Variants in PLIN3 observed in about 807,000 individuals in gnomAD.
The protein encoded by PLIN3 is perilipin 3.
Under a neutral mutation model 35.9 loss-of-function variants are expected in PLIN3, and 30 were observed. The observed-to-expected ratio is 0.84, with a 90% CI of 0.62 to 1.13. PLIN3 has a LOEUF of 1.13. PLIN3 is among the 50% of genes most tolerant of loss of function. The pLI is 0.00. For missense variants in PLIN3, 603 were observed against 596.9 expected (o/e 1.01, Z -0.11); for synonymous variants, 261 against 262.5 (o/e 0.99, Z 0.06).
intron 1 of PLIN3, among the ~76,000 whole-genome samples, chr19:4,866,057 G>C (rs960654713): frequency 1.2e-4 from 17 of 144,442 alleles, no homozygotes; most frequent in African/African-American, 4.1e-4. Flanking sequence ...TTGCTCTGTC[G>C]CCCAGGCTGG....
chr19:4,839,014 G>A lies in PLIN3; in HGVS notation c.*178C>T. 1.9e-6 allele frequency: 1 copy of A among 520,026 alleles called. No individual in the cohort carries two copies. The highest frequency in any genetic ancestry group is 3.4e-6 in the Non-Finnish European group (1 of 292,122). The allele number at this position is 520,026 out of a possible 1,614,324, so 32.2% of individuals were successfully genotyped here. On this transcript the variant is annotated 3_prime_UTR_variant, in exon 8 of 8. Coordinates refer to ENST00000221957, the MANE Select transcript of PLIN3 (RefSeq NM_005817.5). ...ACAGGCTTCTTCCAAGCTCAGAGAG[G>A]CTGAGAGATGGGTCAACTGGGTGAT...
chr19:4,844,696 C>A lies in PLIN3; in HGVS notation c.932G>T (p.Gly311Val). ...TGGCTTGGGCGGCTCCTTCTCGGGGCCCTGGAGCTGCTTCTGGTTCCAGCT... is the reference window on the plus strand; with the variant it reads ...TGGCTTGGGCGGCTCCTTCTCGGGGACCTGGAGCTGCTTCTGGTTCCAGCT... ...WLSWNQKQLQ[G>V]PEKEPPKPEQ... The change falls in exon 7 of 8, where the codon GGC becomes GTC. Residue 311 changes from glycine (G) to valine (V), a missense_variant. By Grantham distance (109) the Gly-to-Val change is moderately radical. Transcript: ENST00000221957. The A allele has an allele frequency of 1.9e-6, 3 of 1,609,534 alleles. No homozygotes were observed. The highest frequency in any genetic ancestry group is 2.5e-6 in the Non-Finnish European group (3 of 1,178,236).
Position 4,838,974 on chromosome 19 carries a change from AG to A in PLIN3, c.*217del. The A allele has an allele frequency of 4.6e-6, 2 of 439,016 alleles. No homozygotes were observed. Among genetic ancestry groups the A allele is most frequent in the East Asian group, 6.5e-5 (2 of 30,904 alleles). 27.2% of individuals were successfully genotyped at this position (439,016 alleles called of 1,614,324 possible). On this transcript the variant is annotated 3_prime_UTR_variant, in exon 8 of 8. Transcript: ENST00000221957. ...TGGACATCTCTCTCTACTGACTGAT[AG>A]GGTGAGGCTCAGAACAGGCTTCTTC...
Position 4,847,189 on chromosome 19 carries a change from CG to C in PLIN3, c.834+501del, listed in dbSNP as rs780908802. 3.3e-3 allele frequency among the ~76,000 whole-genome samples: 261 copies of C among 79,972 alleles called. 2 individuals are homozygous for C. Among genetic ancestry groups the C allele is most frequent in the Non-Finnish European group, 4.7e-3 (199 of 41,954 alleles). The allele number at this position is 79,972 out of a possible 152,430, so 52.5% of individuals were successfully genotyped here. ...AGGCATGAGCCACCGCACCTGGCCA[CG>C]ATTTTTTTTTTTTTTTTGAGATGGG... On this transcript the variant is annotated intron_variant, in intron 6 of 7. Transcript: ENST00000221957.
intron 2 of PLIN3, among the ~76,000 whole-genome samples, chr19:4,860,976 T>C (rs2030655246): frequency 6.6e-6 from 1 of 152,012 alleles, no homozygotes. Flanking sequence ...ATCTCAAAAA[T>C]ATATACATAA....
chr19:4,854,108 T>C (rs1472409892), intron 4 of PLIN3, among the ~76,000 whole-genome samples: 2 of 151,748 alleles, frequency 1.3e-5, no homozygotes, highest in Admixed American at 6.6e-5. Flanking sequence ...TATTTTTTTA[T>C]TTTTTGTAGA....
intron 1 of PLIN3, among the ~76,000 whole-genome samples, chr19:4,866,312 C>G (rs1339502423): frequency 6.6e-6 from 1 of 152,166 alleles, no homozygotes; most frequent in East Asian, 1.9e-4. Flanking sequence ...GTCATCCTGC[C>G]CAGCCCAGAA....
At chr19:4,846,693 C>T (rs1443230101) in intron 6 of PLIN3, among the ~76,000 whole-genome samples, 2 of 151,692 alleles carry the variant, frequency 1.3e-5, no homozygotes, top group South Asian at 2.1e-4. Flanking sequence ...AGCGAGACTC[C>T]GTTCAAAGAA....
In PLIN3 at chr19:4,847,718, CAG is replaced by C. The variant is rs1292588184; in HGVS notation, c.805_806del (p.Leu269AlafsTer18). 2 of 1,608,326 alleles carry C rather than the reference CAG, an allele frequency of 1.2e-6. No homozygotes were observed. Among genetic ancestry groups the C allele is most frequent in the Admixed American group, 3.4e-5 (2 of 59,018 alleles). The part of the protein sequence containing the change: ...RATKQRAQEA[L>X]LQLSQVLSLM... ...GGCTTAGGACCTGCGACAGCTGCAGCAGAGCCTCCTGTGCCCTCTGCTTGGTG... is the reference window on the plus strand; with the variant it reads ...GGCTTAGGACCTGCGACAGCTGCAGCAGCCTCCTGTGCCCTCTGCTTGGTG... On this transcript the variant is annotated frameshift_variant, in exon 6 of 8. Transcript: ENST00000221957. LOFTEE classifies it high-confidence loss of function.
intron 4 of PLIN3, among the ~76,000 whole-genome samples, chr19:4,858,698 TTG>T (rs2030558972): frequency 3.1e-5 from 1 of 31,920 alleles, no homozygotes; most frequent in African/African-American, 8.8e-5. Flanking sequence ...TGGTGTTTTT[TTG>T]GTTTTTTTTT....
At chr19:4,841,327 A>T (rs72981887) in intron 7 of PLIN3, among the ~76,000 whole-genome samples, 8 of 152,076 alleles carry the variant, frequency 5.3e-5, no homozygotes, top group Non-Finnish European at 1.0e-4. Context: ...GGTGAGCCCT[A>T]AGGACGTCAC....
chr19:4,858,922 A>G (rs200495027), intron 4 of PLIN3, among the ~76,000 whole-genome samples: 3 of 144,714 alleles, frequency 2.1e-5, no homozygotes, highest in African/African-American at 7.7e-5. Flanking sequence ...GGCTGGTCTC[A>G]AACTCCCAAC....
chr19:4,842,946 C>T (rs533048175), intron 7 of PLIN3, among the ~76,000 whole-genome samples: 8 of 152,234 alleles, frequency 5.3e-5, no homozygotes, highest in Non-Finnish European at 1.2e-4. Context: ...TGGGTCCGGG[C>T]ACGGTGGCTC....
intron 7 of PLIN3, among the ~76,000 whole-genome samples, chr19:4,840,866 A>T (rs2029881098): frequency 6.6e-6 from 1 of 152,128 alleles, no homozygotes; most frequent in South Asian, 2.1e-4. Context: ...AACTGCTTGC[A>T]CCCAGGAGGC....
chr19:4,855,145 G>A (rs1237721078), intron 4 of PLIN3, among the ~76,000 whole-genome samples: 1 of 151,650 alleles, frequency 6.6e-6, no homozygotes, highest in African/African-American at 2.4e-5. Context: ...AGCTACTTGG[G>A]AGGCTGAGGC....
At chr19:4,866,344 C>A (rs1052260390) in intron 1 of PLIN3, among the ~76,000 whole-genome samples, 6 of 152,116 alleles carry the variant, frequency 3.9e-5, no homozygotes, top group Admixed American at 1.3e-4. Flanking sequence ...CCCAGCTTGG[C>A]AACTCACTAG....
chr19:4,850,495 A>C (rs1324254867), intron 5 of PLIN3, among the ~76,000 whole-genome samples: 2 of 150,148 alleles, frequency 1.3e-5, no homozygotes, highest in Non-Finnish European at 3.0e-5. Flanking sequence ...ATCTCGGCTC[A>C]CTGCAAGCTC....
intron 7 of PLIN3, among the ~76,000 whole-genome samples, chr19:4,844,238 C>T (rs544485974): frequency 7.2e-5 from 11 of 151,898 alleles, no homozygotes; most frequent in Admixed American, 1.3e-4. Context: ...CTGGGCAGGG[C>T]GGATCACTTG....
intron 4 of PLIN3, among the ~76,000 whole-genome samples, chr19:4,855,432 A>G (rs1237854447): frequency 6.6e-6 from 1 of 151,964 alleles, no homozygotes; most frequent in Non-Finnish European, 1.5e-5. Flanking sequence ...GACGTTTCCC[A>G]TCTTCCTGTA....
Sources: gnomAD v4.1 joint callset for allele counts (sites outside exome capture counted in the v4.1 genomes callset) on GRCh38, gnomAD v4.1.1 for gene constraint, MANE v1.5 for transcripts, NCBI Gene and HGNC (gene_info 2026-07-23, HGNC 2026-07-21) for gene names.